The following NR3C2 variants were observed in gnomAD, a reference collection of about 807,000 sequenced individuals.
NR3C2 encodes the protein nuclear receptor subfamily 3 group C member 2.
NR3C2 carries 15 observed loss-of-function variants against 86.4 expected under a neutral mutation model. That is an observed-to-expected ratio of 0.17 (90% CI 0.12 to 0.27). NR3C2 has a LOEUF of 0.27. NR3C2 is among the 10% of genes least tolerant of loss of function. The pLI is 1.00. For synonymous variants in NR3C2, 458 were observed against 450.5 expected, an observed-to-expected ratio of 1.02 and a Z score of -0.21; for missense variants, 960 against 1,195.6, an observed-to-expected ratio of 0.80 and a Z score of 2.91.
At chr4:148,442,988 G>A, upstream of NR3C2, 1 of 985,152 alleles carries the variant, frequency 1.0e-6, no homozygotes, top group East Asian at 1.1e-4. Flanking sequence ...CCCTGGCGCC[G>A]CCCAACAGCG....
intron 3 of NR3C2, among the ~76,000 whole-genome samples, chr4:148,245,033 C>A (rs1739250262): frequency 6.6e-6 from 1 of 152,128 alleles, no homozygotes; most frequent in African/African-American, 2.4e-5. Flanking sequence ...TTACTGATTT[C>A]AAATGCACAT....
At position 148,436,491 on chromosome 4, in the gene NR3C2, G is replaced by T; in HGVS notation, c.370C>A (p.Gln124Lys). ...TTAGCTGGACTCATGCTTCCTTGTT[G>T]GTTCTGCTGCTCATAGGAATAGTCA... Reference protein sequence around the residue: ...DADYSYEQQNQQGSMSPAKIY... With the variant: ...DADYSYEQQNKQGSMSPAKIY... Residue 124 changes from glutamine (Q) to lysine (K), a missense_variant, in exon 2 of 9, where the codon CAA becomes AAA. By Grantham distance (53) the Gln-to-Lys change is moderately conservative (BLOSUM62 1). This residue lies in a region of NR3C2 where 680 missense variants were observed against 719.0 expected (regional missense o/e 0.95). Coordinates refer to ENST00000358102, the MANE Select transcript of NR3C2 (RefSeq NM_000901.5). 1 of 1,614,128 alleles carries T rather than the reference G, an allele frequency of 6.2e-7. No homozygotes were observed. The highest frequency in any genetic ancestry group is 8.5e-7 in the Non-Finnish European group (1 of 1,180,026).
Position 148,193,767 on chromosome 4 carries a change from G to A in NR3C2, c.2014+979C>T, listed in dbSNP as rs185296198. ...TTGGAGAGTATTAAGAAAAATTCAT[G>A]TTTTCTTTTAGTACTTCTGTGGCTA... is the stretch of plus-strand genomic sequence containing the variant. On this transcript the variant is annotated intron_variant, in intron 4 of 8. Transcript: ENST00000358102. 4.6e-3 allele frequency among the ~76,000 whole-genome samples: 705 copies of A among 152,240 alleles called. 13 individuals are homozygous for A. Among genetic ancestry groups the A allele is most frequent in the African/African-American group, 0.016 (680 of 41,558 alleles).
chr4:148,359,139 C>CT (rs924636438), intron 2 of NR3C2, among the ~76,000 whole-genome samples: 8 of 151,932 alleles, frequency 5.3e-5, no homozygotes, highest in South Asian at 4.2e-4. Flanking sequence ...AGTCCTCTCT[C>CT]TTTTTTTTAT....
intron 4 of NR3C2, among the ~76,000 whole-genome samples, chr4:148,162,697 T>C (rs1734715458): frequency 6.6e-6 from 1 of 152,170 alleles, no homozygotes; most frequent in Admixed American, 6.5e-5. Flanking sequence ...GGCTGCCCTG[T>C]AATTCTGAAG....
At chr4:148,193,079 C>T (rs995283705) in intron 4 of NR3C2, among the ~76,000 whole-genome samples, 1 of 152,214 alleles carries the variant, frequency 6.6e-6, no homozygotes, top group Non-Finnish European at 1.5e-5. Context: ...GCTCCTCTGG[C>T]CACCCTCCCG....
chr4:148,270,038 A>T (rs1319910397), intron 2 of NR3C2, among the ~76,000 whole-genome samples: 1 of 151,890 alleles, frequency 6.6e-6, no homozygotes, highest in Non-Finnish European at 1.5e-5. Flanking sequence ...CCTAATGTGA[A>T]TCTTGAACAC....
chr4:148,219,360 A>G (rs1315707578), intron 3 of NR3C2, among the ~76,000 whole-genome samples: 1 of 152,218 alleles, frequency 6.6e-6, no homozygotes, highest in Non-Finnish European at 1.5e-5. Context: ...TATTTTGAAT[A>G]CAAGTTCCTA....
chr4:148,399,613 CA>C (rs1018658821), intron 2 of NR3C2, among the ~76,000 whole-genome samples: 17 of 142,512 alleles, frequency 1.2e-4, no homozygotes, highest in Non-Finnish European at 1.6e-5. Context: ...TAGCATATTT[CA>C]AAAAAAATTT....
At chr4:148,422,476 C>G (rs1259782387) in intron 2 of NR3C2, among the ~76,000 whole-genome samples, 1 of 152,112 alleles carries the variant, frequency 6.6e-6, no homozygotes, top group Non-Finnish European at 1.5e-5. Flanking sequence ...AATTCCATTT[C>G]TATACCCTGA....
chr4:148,365,224 C>T (rs1441819214), intron 2 of NR3C2, among the ~76,000 whole-genome samples: 1 of 152,102 alleles, frequency 6.6e-6, no homozygotes. Flanking sequence ...GCCTTTCTTC[C>T]CTTGGGGATG....
intron 8 of NR3C2, among the ~76,000 whole-genome samples, chr4:148,107,700 C>T (rs1731864501): frequency 6.6e-6 from 1 of 152,136 alleles, no homozygotes; most frequent in Admixed American, 6.5e-5. Flanking sequence ...TTTGCAGGGA[C>T]ATGGATGAAG....
At position 148,080,876 on chromosome 4, in the gene NR3C2, A is replaced by T. The variant is rs1007439407; in HGVS notation, c.*468T>A. ...AGGAATCTGTATATATTTTTTTATTATTTTTTTGTGTTTTTTTAATAACAA... is the reference window on the plus strand; with the variant it reads ...AGGAATCTGTATATATTTTTTTATTTTTTTTTTGTGTTTTTTTAATAACAA... On this transcript the variant is annotated 3_prime_UTR_variant, in exon 9 of 9. Transcript: ENST00000358102. The T allele has an allele frequency of 8.3e-6, 3 of 363,338 alleles. No individual in the cohort carries two copies. Among genetic ancestry groups the T allele is most frequent in the Non-Finnish European group, 1.7e-5 (3 of 178,428 alleles). 22.5% of individuals were successfully genotyped at this position (363,338 alleles called of 1,614,324 possible).
intron 1 of NR3C2, among the ~76,000 whole-genome samples, chr4:148,441,456 C>T (rs2126671112): frequency 6.6e-6 from 1 of 152,342 alleles, no homozygotes; most frequent in East Asian, 1.9e-4. Context: ...CGTCTGCTAT[C>T]AAAAGTTTTC....
intron 8 of NR3C2, among the ~76,000 whole-genome samples, chr4:148,108,200 C>T (rs968125696): frequency 1.3e-5 from 2 of 151,998 alleles, no homozygotes; most frequent in Admixed American, 6.5e-5. Context: ...GCCTCCTGGG[C>T]TCAAACAATC....
intron 4 of NR3C2, among the ~76,000 whole-genome samples, chr4:148,190,283 TTG>T (rs1456560953): frequency 6.6e-6 from 1 of 152,214 alleles, no homozygotes; most frequent in African/African-American, 2.4e-5. Context: ...CATCTTGATT[TTG>T]TTTTTGACCC....
At chr4:148,150,531 AC>A (rs1163769961) in intron 6 of NR3C2, among the ~76,000 whole-genome samples, 1 of 152,224 alleles carries the variant, frequency 6.6e-6, no homozygotes, top group African/African-American at 2.4e-5. Flanking sequence ...CGGTGAAATC[AC>A]CAAAAGGCAT....
At chr4:148,249,462 C>T (rs2149858330) in intron 3 of NR3C2, among the ~76,000 whole-genome samples, 1 of 152,226 alleles carries the variant, frequency 6.6e-6, no homozygotes, top group African/African-American at 2.4e-5. Context: ...CTATAAGTGA[C>T]CTTTCAATCT....
chr4:148,266,609 AG>A (rs1256765848), intron 2 of NR3C2, among the ~76,000 whole-genome samples: 3 of 152,230 alleles, frequency 2.0e-5, no homozygotes, highest in Non-Finnish European at 2.9e-5. Context: ...TGGAAGGCTA[AG>A]GAGGCAGACT....
Sources: allele counts gnomAD v4.1 joint callset (sites outside exome capture counted in the v4.1 genomes callset), GRCh38; gene constraint gnomAD v4.1.1; regional missense constraint gnomAD v4.1.1; transcripts MANE v1.5; gene names NCBI Gene and HGNC (gene_info 2026-07-23, HGNC 2026-07-21).